Variants in TTC7B observed in about 807,000 individuals in gnomAD.
TTC7B encodes tetratricopeptide repeat domain 7B, also known as tetratricopeptide repeat protein 7B.
In TTC7B, 28 loss-of-function variants were observed where a neutral mutation model predicts 106.8. The ratio of observed to expected loss-of-function variants is 0.26; its 90% CI spans 0.19 to 0.36. The LOEUF (loss-of-function observed/expected upper bound fraction) is 0.36. Ranked by LOEUF, TTC7B falls within the 10% of genes least tolerant of loss-of-function variation. The pLI, the probability that TTC7B is intolerant of heterozygous loss-of-function variation, is 1.00. For synonymous variants in TTC7B, 405 were observed against 430.6 expected (o/e 0.94, Z 0.74); for missense variants, 862 against 1,076.4 (o/e 0.80, Z 2.79).
chr14:90,760,153 G>A (rs866824669), intron 3 of TTC7B, among the ~76,000 whole-genome samples: 1 of 152,258 alleles, frequency 6.6e-6, no homozygotes, highest in Middle Eastern at 3.4e-3. Flanking sequence ...ATGCAACAAC[G>A]GGTGTCACCA....
At chr14:90,651,734 A>G (rs1398928481) in intron 13 of TTC7B, among the ~76,000 whole-genome samples, 1 of 152,208 alleles carries the variant, frequency 6.6e-6, no homozygotes, top group Admixed American at 6.5e-5. Flanking sequence ...TGGGGCTGGC[A>G]ACCTGAAGTA....
In TTC7B at chr14:90,780,728, C is replaced by T. The variant is rs374142129; in HGVS notation, c.445+10G>A. On this transcript the variant is annotated intron_variant, in intron 3 of 19. Transcript: ENST00000328459. Reference sequence around the variant, plus strand: ...TCACGGGACACTGTGTTAGAAGGCACGGGCCTCACCTTTGGTAGCGTAGGC... The same window carrying T: ...TCACGGGACACTGTGTTAGAAGGCATGGGCCTCACCTTTGGTAGCGTAGGC... 88 of 1,612,718 alleles carry T rather than the reference C, an allele frequency of 5.5e-5. 1 individual carries two copies. The South Asian group carries it at 7.6e-4, about 14-fold the overall frequency.
rs898475395 is a variant in TTC7B at position 90,531,743 on chromosome 14, T to G, written c.*9625A>C. 6.6e-6 allele frequency: 1 copy of G among 152,188 alleles called. No individual in the cohort carries two copies. 9.4% of individuals were successfully genotyped at this position (152,188 alleles called of 1,614,324 possible). A position where few individuals can be genotyped will look rare whatever the true frequency, so the allele number is the denominator to read the frequency against. ...CCAAAGGACAAGCTGGCTCAAGATT[T>G]TGAAAGCAATGAAGTGAAATTTGAA... On this transcript the variant is annotated 3_prime_UTR_variant, in exon 20 of 20. Transcript: ENST00000328459.
At chr14:90,544,735 C>T (rs984934759) in intron 19 of TTC7B, among the ~76,000 whole-genome samples, 4 of 152,136 alleles carry the variant, frequency 2.6e-5, no homozygotes, top group Non-Finnish European at 5.9e-5. Flanking sequence ...CGGCCCTGAG[C>T]AGCAGCCTGG....
chr14:90,669,062 A>G (rs1886530399), intron 9 of TTC7B, among the ~76,000 whole-genome samples: 1 of 152,120 alleles, frequency 6.6e-6, no homozygotes, highest in South Asian at 2.1e-4. Flanking sequence ...AAATTCATAA[A>G]TTTATGGCCA....
chr14:90,527,313 A>T lies in TTC7B; in HGVS notation c.*14055T>A, dbSNP rs1486850393. ...CCTTCTCTCTGAATGCAAGTCACCA[A>T]GTCCAGCCCACACTCCAGTGATGAA... On this transcript the variant is annotated 3_prime_UTR_variant, in exon 20 of 20. Coordinates refer to ENST00000328459, the MANE Select transcript of TTC7B (RefSeq NM_001010854.2). 2 of 152,216 alleles carry T rather than the reference A, an allele frequency of 1.3e-5. No individual in the cohort carries two copies. Among genetic ancestry groups the T allele is most frequent in the South Asian group, 4.1e-4 (2 of 4,820 alleles). 9.4% of individuals were successfully genotyped at this position (152,216 alleles called of 1,614,324 possible). A position where few individuals can be genotyped will look rare whatever the true frequency, so the allele number is the denominator to read the frequency against.
chr14:90,613,131 C>T (rs1045760958), intron 16 of TTC7B, among the ~76,000 whole-genome samples: 3 of 152,256 alleles, frequency 2.0e-5, no homozygotes, highest in Non-Finnish European at 4.4e-5. Flanking sequence ...CACAATGGTT[C>T]ATGCCTGTCA....
At chr14:90,696,564 T>C (rs767464949) in intron 5 of TTC7B, among the ~76,000 whole-genome samples, 17 of 152,188 alleles carry the variant, frequency 1.1e-4, no homozygotes, top group Non-Finnish European at 2.1e-4. Context: ...TTTTGAATCA[T>C]GCAAAGATAT....
chr14:90,794,581 G>A lies in TTC7B; in HGVS notation c.122-8253C>T, dbSNP rs574825274. ...GAATGGACTAATACAGAGAGAAAGG[G>A]GGAACCGTCAGGGGAGTTTCCTGCT... On this transcript the variant is annotated intron_variant, in intron 1 of 19. Transcript: ENST00000328459. Among the ~76,000 whole-genome samples, 82 of 152,216 alleles carry A rather than the reference G, an allele frequency of 5.4e-4. 2 individuals are homozygous for A. In the South Asian group the frequency reaches 0.016, roughly 30 times the overall value.
intron 19 of TTC7B, among the ~76,000 whole-genome samples, chr14:90,573,201 T>C (rs925064812): frequency 6.6e-6 from 1 of 152,152 alleles, no homozygotes; most frequent in African/African-American, 2.4e-5. Context: ...TTCTCAGCAT[T>C]GGCTGTGAAA....
intron 3 of TTC7B, among the ~76,000 whole-genome samples, chr14:90,761,866 C>A (rs1890512843): frequency 6.6e-6 from 1 of 152,208 alleles, no homozygotes; most frequent in African/African-American, 2.4e-5. Flanking sequence ...CTGCCCCTGC[C>A]TTGGTTCAGC....
chr14:90,586,915 A>G, intron 18 of TTC7B, among the ~76,000 whole-genome samples: 1 of 152,036 alleles, frequency 6.6e-6, no homozygotes, highest in East Asian at 1.9e-4. Flanking sequence ...CAAGCCCCAC[A>G]CTCAGGTTTC....
intron 9 of TTC7B, among the ~76,000 whole-genome samples, chr14:90,658,910 G>A (rs887324681): frequency 2.0e-5 from 3 of 152,344 alleles, no homozygotes; most frequent in African/African-American, 7.2e-5. Context: ...CTCAGTCAGC[G>A]AGGAGCCTCT....
At position 90,600,096 on chromosome 14, in the gene TTC7B, T is replaced by A. The variant is rs1286464; in HGVS notation, c.1967-6470A>T. ...ACGGGAGGAGGCGAAGGAGTTAGTG[T>A]TGACTGTCTCTTATTTCTTGAAGGG... On this transcript the variant is annotated intron_variant, in intron 17 of 19. Transcript: ENST00000328459. The surrounding 1 kb of genome is among the most constrained non-coding windows in gnomAD (Gnocchi z 4.3). 0.84 allele frequency among the ~76,000 whole-genome samples: 127,978 copies of A among 152,154 alleles called. 54,399 individuals are homozygous for A. Among genetic ancestry groups the A allele is most frequent in the African/African-American group, 0.96 (39,699 of 41,528 alleles).
rs148290314 is a variant in TTC7B at position 90,600,629 on chromosome 14, C to G, written c.1967-7003G>C. On this transcript the variant is annotated intron_variant, in intron 17 of 19. Transcript: ENST00000328459. The surrounding 1 kb of genome is among the most constrained non-coding windows in gnomAD (Gnocchi z 4.3). ...TTGTCCTGAAAGGGGGAAGCTCTTT[C>G]CAGGGAAGGACCCCAGTAAGGCAGG... 5.3e-5 allele frequency among the ~76,000 whole-genome samples: 8 copies of G among 152,204 alleles called. No homozygotes were observed. Among genetic ancestry groups the G allele is most frequent in the Non-Finnish European group, 1.0e-4 (7 of 68,026 alleles).
intron 15 of TTC7B, among the ~76,000 whole-genome samples, chr14:90,618,523 G>C (rs968985681): frequency 2.6e-5 from 4 of 152,206 alleles, no homozygotes; most frequent in Non-Finnish European, 5.9e-5. Context: ...CCATGAAGAA[G>C]GGCAGCCTCC....
At chr14:90,667,199 T>C (rs1166869517) in intron 9 of TTC7B, among the ~76,000 whole-genome samples, 2 of 152,154 alleles carry the variant, frequency 1.3e-5, no homozygotes, top group African/African-American at 4.8e-5. Flanking sequence ...ACATACCACG[T>C]ACAAAATAGT....
chr14:90,601,625 A>C (rs1056828401), intron 17 of TTC7B, among the ~76,000 whole-genome samples: 23 of 152,118 alleles, frequency 1.5e-4, no homozygotes, highest in African/African-American at 5.3e-4. Flanking sequence ...ATTTTTCTCC[A>C]AAAAAACAAC....
intron 1 of TTC7B, among the ~76,000 whole-genome samples, chr14:90,814,497 TG>T (rs2031068856): frequency 6.6e-6 from 1 of 152,222 alleles, no homozygotes. Context: ...ACCACTGTTC[TG>T]TGACTGGCAC....
Sources: allele counts gnomAD v4.1 joint callset (sites outside exome capture counted in the v4.1 genomes callset), GRCh38; gene constraint gnomAD v4.1.1; non-coding constraint Gnocchi (gnomAD v3.1); transcripts MANE v1.5; gene names NCBI Gene and HGNC (gene_info 2026-07-23, HGNC 2026-07-21).